The following SGCZ variants were observed in gnomAD, a reference collection of about 807,000 sequenced individuals.
The protein encoded by SGCZ is sarcoglycan zeta, also known as zeta-sarcoglycan.
SGCZ carries 40 observed loss-of-function variants against 41.3 expected under a neutral mutation model. The ratio of observed to expected loss-of-function variants is 0.97; its 90% confidence interval spans 0.75 to 1.26. The LOEUF is 1.26. Among genes scored for constraint, SGCZ ranks in the 50% most tolerant of loss-of-function variants. SGCZ has a pLI of 0.00. For missense variants in SGCZ, 552 were observed against 369.8 expected (o/e 1.49, Z -4.04); for synonymous variants, 206 against 137.5 (o/e 1.50, Z -3.49).
intron 1 of SGCZ, among the ~76,000 whole-genome samples, chr8:14,620,110 G>A (rs1323995456): frequency 6.6e-6 from 1 of 152,126 alleles, no homozygotes; most frequent in Non-Finnish European, 1.5e-5. Context: ...CAATGGAACA[G>A]AACAGAGCCC....
intron 1 of SGCZ, among the ~76,000 whole-genome samples, chr8:15,061,192 C>A (rs149903560): frequency 6.6e-6 from 1 of 152,216 alleles, no homozygotes; most frequent in East Asian, 1.9e-4. Flanking sequence ...GAGGGGGGAA[C>A]ATTTCAGAGG....
chr8:14,172,217 C>T (rs993673859), intron 4 of SGCZ, among the ~76,000 whole-genome samples: 2 of 152,088 alleles, frequency 1.3e-5, no homozygotes, highest in African/African-American at 2.4e-5. Flanking sequence ...ATGCCCATTT[C>T]CAGCATGGGT....
chr8:14,521,316 G>A (rs376585020), intron 2 of SGCZ, among the ~76,000 whole-genome samples: 17 of 151,930 alleles, frequency 1.1e-4, no homozygotes, highest in South Asian at 6.2e-4. Context: ...ATATAACTTC[G>A]GGGAATTGGA....
intron 1 of SGCZ, among the ~76,000 whole-genome samples, chr8:14,761,693 T>G (rs1263945234): frequency 6.6e-6 from 1 of 151,814 alleles, no homozygotes; most frequent in Non-Finnish European, 1.5e-5. Flanking sequence ...ACCTGGCTAA[T>G]TTTTGTATTT....
chr8:15,210,178 T>G (rs955210264), intron 1 of SGCZ, among the ~76,000 whole-genome samples: 38 of 152,174 alleles, frequency 2.5e-4, no homozygotes, highest in African/African-American at 9.2e-4. Context: ...ATTAGAATCC[T>G]ACCATCATCG....
chr8:14,636,467 G>T (rs1236561731), intron 1 of SGCZ, among the ~76,000 whole-genome samples: 1 of 151,872 alleles, frequency 6.6e-6, no homozygotes, highest in African/African-American at 2.4e-5. Flanking sequence ...GAAGAGAAAT[G>T]AGCAAATTTG....
intron 1 of SGCZ, among the ~76,000 whole-genome samples, chr8:15,103,892 G>A (rs1375856158): frequency 6.6e-6 from 1 of 152,140 alleles, no homozygotes; most frequent in Admixed American, 6.6e-5. Context: ...AATAGAAAAA[G>A]TGTCAAAGTC....
At chr8:14,643,210 G>C (rs1310185130) in intron 1 of SGCZ, among the ~76,000 whole-genome samples, 1 of 151,540 alleles carries the variant, frequency 6.6e-6, no homozygotes, top group Non-Finnish European at 1.5e-5. Context: ...ACTGAACATA[G>C]GAAGTCAACT....
At chr8:14,586,296 C>G (rs1439986096) in intron 1 of SGCZ, among the ~76,000 whole-genome samples, 2 of 152,096 alleles carry the variant, frequency 1.3e-5, no homozygotes, top group Admixed American at 1.3e-4. Context: ...TGACTGCAAA[C>G]TCTACCTCCT....
intron 4 of SGCZ, among the ~76,000 whole-genome samples, chr8:14,201,173 G>T (rs1585225682): frequency 6.6e-6 from 1 of 152,106 alleles, no homozygotes; most frequent in Non-Finnish European, 1.5e-5. Context: ...CAGGCAGGTA[G>T]AAATACAAAA....
chr8:14,459,418 A>T (rs1051455150), intron 2 of SGCZ, among the ~76,000 whole-genome samples: 1 of 151,036 alleles, frequency 6.6e-6, no homozygotes, highest in African/African-American at 2.5e-5. Context: ...AAAGTATAAT[A>T]AAAAATAAAA....
In SGCZ at chr8:15,220,322, T is replaced by C. The variant is rs560163463; in HGVS notation, c.39+17263A>G. Among the ~76,000 whole-genome samples the C allele has an allele frequency of 3.9e-5, 6 of 152,226 alleles. No homozygotes were observed. In the South Asian group the frequency reaches 1.2e-3, roughly 32 times the overall value. On this transcript the variant is annotated intron_variant, in intron 1 of 7. Transcript: ENST00000382080. The stretch of plus-strand genomic sequence containing the variant: ...TTCCTGCTATCTAGTCTTATTCCAT[T>C]AAGTGTAAGAATCAGAGACATAATA...
chr8:14,865,731 A>G (rs1226942435), intron 1 of SGCZ, among the ~76,000 whole-genome samples: 1 of 152,144 alleles, frequency 6.6e-6, no homozygotes, highest in Non-Finnish European at 1.5e-5. Flanking sequence ...AACTTCTAAA[A>G]GGAGTTGGGA....
Position 15,081,211 on chromosome 8 carries a change from TCTGTGTCTTCC to T in SGCZ, c.39+156363_39+156373del. 4.6e-5 allele frequency among the ~76,000 whole-genome samples: 7 copies of T among 152,208 alleles called. No individual in the cohort carries two copies. In the South Asian group the frequency reaches 1.4e-3, roughly 31 times the overall value. ...AGGTCTATGGTGGCTAAATCGTCTT[TCTGTGTCTTCC>T]CTGAAAATGAAGCTTTTGTCCAATT... On this transcript the variant is annotated intron_variant, in intron 1 of 7. Transcript: ENST00000382080.
intron 2 of SGCZ, among the ~76,000 whole-genome samples, chr8:14,499,712 A>G (rs1802094501): frequency 6.6e-6 from 1 of 151,772 alleles, no homozygotes; most frequent in Non-Finnish European, 1.5e-5. Flanking sequence ...TAAATTCTGT[A>G]TTTATTTTGC....
chr8:14,622,679 G>A (rs555988964), intron 1 of SGCZ, among the ~76,000 whole-genome samples: 7 of 152,280 alleles, frequency 4.6e-5, no homozygotes, highest in African/African-American at 1.4e-4. Context: ...GCTAGCAAGT[G>A]CCTTGGGTGA....
chr8:14,568,969 A>G (rs2117226129), intron 1 of SGCZ, among the ~76,000 whole-genome samples: 1 of 152,258 alleles, frequency 6.6e-6, no homozygotes, highest in East Asian at 1.9e-4. Context: ...ACAGTTATAG[A>G]CATTTTTTTA....
At position 14,279,452 on chromosome 8, in the gene SGCZ, AT is replaced by A. The variant is rs371297019; in HGVS notation, c.337-41774del. Reference sequence around the variant, plus strand: ...CTACCTTTTTTTCCCTAGATTACACATTTTTTTTCAACTTCTAATAAAGATA... The same window carrying A: ...CTACCTTTTTTTCCCTAGATTACACATTTTTTTCAACTTCTAATAAAGATA... On this transcript the variant is annotated intron_variant, in intron 3 of 7. Coordinates refer to ENST00000382080, the MANE Select transcript of SGCZ (RefSeq NM_139167.4). 3.5e-3 allele frequency among the ~76,000 whole-genome samples: 538 copies of A among 151,726 alleles called. 13 individuals are homozygous for A. Among genetic ancestry groups the A allele is most frequent in the Admixed American group, 0.026 (393 of 15,196 alleles).
chr8:14,614,493 G>GA (rs1383518322), intron 1 of SGCZ, among the ~76,000 whole-genome samples: 1 of 152,008 alleles, frequency 6.6e-6, no homozygotes, highest in Admixed American at 6.6e-5. Flanking sequence ...ATTTTATTCA[G>GA]AAAAATATTT....
Sources: gnomAD v4.1 joint callset for allele counts (sites outside exome capture counted in the v4.1 genomes callset) on GRCh38, gnomAD v4.1.1 for gene constraint, MANE v1.5 for transcripts, NCBI Gene and HGNC (gene_info 2026-07-23, HGNC 2026-07-21) for gene names.